HRH1: variants seen among roughly 807,000 people sequenced by gnomAD.
HRH1 encodes the protein histamine H1 receptor.
HRH1 carries 6 observed loss-of-function variants against 10.3 expected under a neutral mutation model. That is an observed-to-expected ratio of 0.58 (90% CI 0.32 to 1.15). The LOEUF (loss-of-function observed/expected upper bound fraction) is 1.15. Among genes scored for constraint, HRH1 ranks in the 50% most tolerant of loss-of-function variants. HRH1 has a pLI of 0.05. For synonymous variants in HRH1, 242 were observed against 236.7 expected (o/e 1.02, Z -0.21); for missense variants, 514 against 615.3 (o/e 0.84, Z 1.74).
upstream of HRH1, chr3:11,154,414 G>A (rs1189497864): frequency 6.7e-6 from 1 of 149,586 alleles, no homozygotes; most frequent in Non-Finnish European, 1.5e-5. This position sits in a 1 kb window ranked among gnomAD's most constrained non-coding sequence, Gnocchi z 4.4. Flanking sequence ...GCTGCTCGCG[G>A]GTGGGCCCCT....
intron 1 of HRH1, among the ~76,000 whole-genome samples, chr3:11,144,345 A>ATGTGTGTGTGTG (rs112938608): frequency 7.1e-5 from 10 of 139,894 alleles, no homozygotes; most frequent in African/African-American, 2.7e-4. Context: ...TGATATGTAT[A>ATGTGTGTGTGTG]TGTGTGTGTG....
intron 1 of HRH1, among the ~76,000 whole-genome samples, chr3:11,184,384 G>T (rs1367928631): frequency 6.6e-6 from 1 of 152,110 alleles, no homozygotes; most frequent in African/African-American, 2.4e-5. Context: ...AGCAGAAGCG[G>T]AATCTGAACG....
At chr3:11,216,708 G>A (rs779791380) in intron 1 of HRH1, among the ~76,000 whole-genome samples, 4 of 151,944 alleles carry the variant, frequency 2.6e-5, no homozygotes, top group South Asian at 2.1e-4. Context: ...CTGAAATCCC[G>A]TCTGTACTAA....
chr3:11,202,985 A>G (rs1244433660), intron 1 of HRH1, among the ~76,000 whole-genome samples: 6 of 152,200 alleles, frequency 3.9e-5, no homozygotes, highest in Non-Finnish European at 8.8e-5. Context: ...CCAGGACGTC[A>G]TACAGTTGGA....
chr3:11,181,736 A>G (rs1042779547), intron 1 of HRH1, among the ~76,000 whole-genome samples: 1 of 149,400 alleles, frequency 6.7e-6, no homozygotes, highest in Non-Finnish European at 1.5e-5. Flanking sequence ...GGTTTACAAC[A>G]TTCTCCTGCC....
chr3:11,163,167 C>T (rs771634799), intron 1 of HRH1, among the ~76,000 whole-genome samples: 8 of 152,162 alleles, frequency 5.3e-5, no homozygotes, highest in Non-Finnish European at 8.8e-5. Context: ...GAGCTCCTCC[C>T]CACTGTGCAT....
intron 1 of HRH1, among the ~76,000 whole-genome samples, chr3:11,234,991 G>A (rs183694030): frequency 2.6e-3 from 391 of 152,126 alleles, no homozygotes; most frequent in Admixed American, 4.3e-3. Flanking sequence ...TGAGGTGGGC[G>A]GATCACGAGG....
intron 1 of HRH1, among the ~76,000 whole-genome samples, chr3:11,250,432 C>G (rs947222100): frequency 6.6e-6 from 1 of 152,008 alleles, no homozygotes; most frequent in African/African-American, 2.4e-5. Flanking sequence ...TGCGTCCATC[C>G]TCTCTCAACG....
chr3:11,244,602 A>C (rs1488661004), intron 1 of HRH1, among the ~76,000 whole-genome samples: 2 of 152,210 alleles, frequency 1.3e-5, no homozygotes, highest in Non-Finnish European at 2.9e-5. Flanking sequence ...TCTAAAACCA[A>C]CGTTGCTGAG....
At chr3:11,228,775 G>A (rs113138987) in intron 1 of HRH1, among the ~76,000 whole-genome samples, 1 of 152,052 alleles carries the variant, frequency 6.6e-6, no homozygotes, top group African/African-American at 2.4e-5. Flanking sequence ...TTAGCCAGGC[G>A]TGGTGGTGCG....
rs573307822 is a variant in HRH1 at position 11,201,118 on chromosome 3, G to C, written c.-36+46564G>C. 3.9e-5 allele frequency among the ~76,000 whole-genome samples: 6 copies of C among 152,324 alleles called. 1 individual carries two copies. The South Asian group carries it at 1.2e-3, about 32-fold the overall frequency. On this transcript the variant is annotated intron_variant, in intron 1 of 1. Coordinates refer to ENST00000431010, the MANE Select transcript of HRH1 (RefSeq NM_001098212.2). ...GAAAGGTATCCAGAGGCCCGCTGCT[G>C]CTTACTGGCCCTGTCCAAACTGGAG...
At chr3:11,218,720 G>C (rs1285372582) in intron 1 of HRH1, among the ~76,000 whole-genome samples, 1 of 149,384 alleles carries the variant, frequency 6.7e-6, no homozygotes, top group African/African-American at 2.5e-5. Flanking sequence ...GGATTATAGC[G>C]TGGGCCACCA....
chr3:11,152,947 A>C (rs570495091), upstream of HRH1, among the ~76,000 whole-genome samples: 2 of 152,030 alleles, frequency 1.3e-5, no homozygotes, highest in Non-Finnish European at 2.9e-5. Flanking sequence ...CCATTATCTC[A>C]AGGCCAAAGT....
intron 1 of HRH1, among the ~76,000 whole-genome samples, chr3:11,204,208 GCC>G (rs1938034890): frequency 1.3e-5 from 2 of 152,170 alleles, no homozygotes; most frequent in African/African-American, 4.8e-5. Context: ...TATGTGATAA[GCC>G]CTGAACCAGG....
At chr3:11,214,304 T>C (rs895496273) in intron 1 of HRH1, among the ~76,000 whole-genome samples, 2 of 152,216 alleles carry the variant, frequency 1.3e-5, no homozygotes, top group African/African-American at 4.8e-5. Flanking sequence ...TCACAGTTAG[T>C]AACGCAGTCT....
intron 1 of HRH1, among the ~76,000 whole-genome samples, chr3:11,175,880 G>A (rs1257334706): frequency 1.3e-5 from 2 of 152,122 alleles, no homozygotes; most frequent in African/African-American, 2.4e-5. Context: ...CAGAATAGGC[G>A]GGGCACATGG....
chr3:11,188,400 G>A (rs1182265885), intron 1 of HRH1, among the ~76,000 whole-genome samples: 3 of 152,080 alleles, frequency 2.0e-5, no homozygotes, highest in Non-Finnish European at 2.9e-5. Flanking sequence ...CCTGGAGTTC[G>A]AGACCAGCCT....
At chr3:11,171,471 G>A (rs1273774791) in intron 1 of HRH1, among the ~76,000 whole-genome samples, 2 of 152,210 alleles carry the variant, frequency 1.3e-5, no homozygotes, top group Admixed American at 1.3e-4. Flanking sequence ...TCATCATGCA[G>A]TGGCCGCTGC....
At chr3:11,194,580 C>A (rs1937606731) in intron 1 of HRH1, among the ~76,000 whole-genome samples, 1 of 152,210 alleles carries the variant, frequency 6.6e-6, no homozygotes, top group South Asian at 2.1e-4. Flanking sequence ...GTAATCCCAG[C>A]ACTTTGGGAG....
Sources: gnomAD v4.1 joint callset for allele counts (sites outside exome capture counted in the v4.1 genomes callset) on GRCh38, gnomAD v4.1.1 for gene constraint, Gnocchi (gnomAD v3.1) non-coding constraint, MANE v1.5 for transcripts, NCBI Gene and HGNC (gene_info 2026-07-23, HGNC 2026-07-21) for gene names.